AMACR: variants seen among roughly 807,000 people sequenced by gnomAD.
The protein encoded by AMACR is alpha-methylacyl-CoA racemase.
A neutral mutation model predicts 22.2 loss-of-function variants in AMACR; 18 were observed. That is an observed-to-expected ratio of 0.81 (90% CI 0.56 to 1.20). The LOEUF is 1.20. Ranked by LOEUF, AMACR falls within the 50% of genes most tolerant of loss-of-function variation. AMACR has a pLI of 0.00. For synonymous variants in AMACR, 213 were observed against 191.3 expected, an observed-to-expected ratio of 1.11 and a Z score of -0.94; for missense variants, 499 against 490.6, an observed-to-expected ratio of 1.02 and a Z score of -0.16.
chr5:33,986,579 T>C lies in AMACR; in HGVS notation c.*2514A>G, dbSNP rs1753299599. On this transcript the variant is annotated 3_prime_UTR_variant, in exon 5 of 5. Coordinates refer to ENST00000335606, the MANE Select transcript of AMACR (RefSeq NM_014324.6). ...ATTTCCTTTGGTGCTCTTTATCTTATGGGGCTACATTTCCAGGGTTCCCTT... is the reference window on the plus strand; with the variant it reads ...ATTTCCTTTGGTGCTCTTTATCTTACGGGGCTACATTTCCAGGGTTCCCTT... 6.6e-6 allele frequency: 1 copy of C among 152,284 alleles called. No homozygotes were observed. Among genetic ancestry groups the C allele is most frequent in the Non-Finnish European group, 1.5e-5 (1 of 68,072 alleles). 9.4% of individuals were successfully genotyped at this position (152,284 alleles called of 1,614,324 possible). A position where few individuals can be genotyped will look rare whatever the true frequency, so the allele number is the denominator to read the frequency against.
intron 3 of AMACR, among the ~76,000 whole-genome samples, chr5:34,003,650 G>C (rs1753884719): frequency 6.6e-6 from 1 of 152,174 alleles, no homozygotes; most frequent in Admixed American, 6.5e-5. Context: ...CCAGAAACCT[G>C]GGAGCCAGCC....
rs1250700832 is a variant in AMACR at position 34,007,966 on chromosome 5, C to T, written c.54G>A (p.Pro18=). 5 of 1,611,434 alleles carry T rather than the reference C, an allele frequency of 3.1e-6. No individual in the cohort carries two copies. The highest frequency in any genetic ancestry group is 4.2e-6 in the Non-Finnish European group (5 of 1,179,620). The change falls in exon 1 of 5, where the codon CCG becomes CCA. Residue 18 remains proline, a synonymous_variant. Transcript: ENST00000335606. ...VVELSGLAPG[P]FCAMVLADFG... ...AGTCAGCCAGGACCATAGCACAGAACGGGCCCGGGGCCAGGCCGGACAGCT... is the reference window on the plus strand; with the variant it reads ...AGTCAGCCAGGACCATAGCACAGAATGGGCCCGGGGCCAGGCCGGACAGCT...
rs562693242 is a variant in AMACR, at chr5:33,986,166, C to A, written c.*2927G>T. 6.6e-6 allele frequency: 1 copy of A among 152,162 alleles called. No individual in the cohort carries two copies. The highest frequency in any genetic ancestry group is 2.1e-4 in the South Asian group (1 of 4,832). 9.4% of individuals were successfully genotyped at this position (152,162 alleles called of 1,614,324 possible). ...TGTCAAAATGTAAATAAATTGATAT[C>A]TTTTCATAAACTTTTTATAAATATA... On this transcript the variant is annotated 3_prime_UTR_variant, in exon 5 of 5. Coordinates refer to ENST00000335606, the MANE Select transcript of AMACR (RefSeq NM_014324.6).
At position 33,989,241 on chromosome 5, in the gene AMACR, G is replaced by A. The variant is rs368693738; in HGVS notation, c.1001C>T (p.Thr334Ile). 14 of 1,614,016 alleles carry A rather than the reference G, an allele frequency of 8.7e-6. No individual in the cohort carries two copies. The highest frequency in any genetic ancestry group is 4.0e-5 in the African/African-American group (3 of 74,894). The change falls in exon 5 of 5, where the codon ACC becomes ATC. Residue 334 changes from threonine (T) to isoleucine (I), a missense_variant. Coordinates refer to ENST00000335606, the MANE Select transcript of AMACR (RefSeq NM_014324.6). ...CCTTTTGAAAGAAGGGATGGCTGGG[G>A]TGTTTAACAGCAGAGGTGCAGGGCG... ...SPRPAPLLLNTPAIPSFKRDP... is the reference protein window; with the variant it reads ...SPRPAPLLLNIPAIPSFKRDP...
At chr5:33,992,121 C>T (rs547786682) in intron 4 of AMACR, among the ~76,000 whole-genome samples, 165 of 152,018 alleles carry the variant, frequency 1.1e-3, no homozygotes, top group African/African-American at 2.1e-3. Context: ...CCTCGTGATC[C>T]GCCCGCCTCG....
Position 33,988,818 on chromosome 5 carries a change from A to C in AMACR, c.*275T>G, listed in dbSNP as rs537506468. On this transcript the variant is annotated 3_prime_UTR_variant, in exon 5 of 5. Transcript: ENST00000335606. Reference sequence around the variant, plus strand: ...AACCCATTCAAAATATAAGTCAAGAATCTTAATATCAACAAATATATCAAG... The same window carrying C: ...AACCCATTCAAAATATAAGTCAAGACTCTTAATATCAACAAATATATCAAG... 8.3e-5 allele frequency: 108 copies of C among 1,297,442 alleles called. 1 individual carries two copies. In the South Asian group the frequency reaches 1.8e-3, roughly 22 times the overall value. 80.4% of individuals were successfully genotyped at this position (1,297,442 alleles called of 1,614,324 possible).
Position 34,004,631 on chromosome 5 carries a change from T to C in AMACR, c.495A>G (p.Ile165Met). 6.2e-7 allele frequency: 1 copy of C among 1,614,198 alleles called. No homozygotes were observed. The highest frequency in any genetic ancestry group is 8.5e-7 in the Non-Finnish European group (1 of 1,180,034). The change falls in exon 3 of 5, where the codon ATA becomes ATG. Residue 165 changes from isoleucine (I) to methionine (M), a missense_variant. Ile to Met is a conservative substitution (Grantham distance 10). Transcript: ENST00000335606. ...TGCGTGTGCGGTCAAAAAGAGCCATTATAATGCCCAGTGCACACATAAGGC... is the reference window on the plus strand; with the variant it reads ...TGCGTGTGCGGTCAAAAAGAGCCATCATAATGCCCAGTGCACACATAAGGC... ...GGGLMCALGI[I>M]MALFDRTRTG...
chr5:33,995,080 A>G (rs1197213640), intron 4 of AMACR, among the ~76,000 whole-genome samples: 3 of 152,212 alleles, frequency 2.0e-5, no homozygotes, highest in Non-Finnish European at 4.4e-5. Context: ...TGCTGTTCTG[A>G]GTAGCATGAT....
At chr5:33,991,220 C>T (rs1257203756) in intron 4 of AMACR, among the ~76,000 whole-genome samples, 1 of 152,124 alleles carries the variant, frequency 6.6e-6, no homozygotes, top group Non-Finnish European at 1.5e-5. Flanking sequence ...CCCCCAGATC[C>T]TACCCTAACT....
rs866378680 is a variant in AMACR at position 33,994,367 on chromosome 5, C to T, written c.739+4274G>A. On this transcript the variant is annotated intron_variant, in intron 4 of 4. Coordinates refer to ENST00000335606, the MANE Select transcript of AMACR (RefSeq NM_014324.6). ...CTAATTTTTGTATCTTTAGTAGAGACGGGGTTTCACCATGTTGCCCAGGCT... is the reference window on the plus strand; with the variant it reads ...CTAATTTTTGTATCTTTAGTAGAGATGGGGTTTCACCATGTTGCCCAGGCT... Among the ~76,000 whole-genome samples, 31 of 152,016 alleles carry T rather than the reference C, an allele frequency of 2.0e-4. 1 individual carries two copies. The Middle Eastern group carries it at 0.017, about 83-fold the overall frequency.
intron 4 of AMACR, among the ~76,000 whole-genome samples, chr5:33,995,126 G>A (rs897792580): frequency 4.6e-5 from 7 of 152,184 alleles, no homozygotes; most frequent in African/African-American, 1.7e-4. Context: ...GCTCCATCCT[G>A]CCTTGGACAT....
intron 4 of AMACR, among the ~76,000 whole-genome samples, chr5:33,993,242 C>T (rs576440220): frequency 2.0e-5 from 3 of 152,222 alleles, no homozygotes; most frequent in East Asian, 1.9e-4. Flanking sequence ...TCTGTTGTAA[C>T]GTGTTGGAAT....
At chr5:33,996,060 C>A (rs1753623278) in intron 4 of AMACR, among the ~76,000 whole-genome samples, 1 of 152,100 alleles carries the variant, frequency 6.6e-6, no homozygotes, top group Non-Finnish European at 1.5e-5. Flanking sequence ...CCCCAGAGAA[C>A]TGTCATTATT....
chr5:33,995,989 C>G (rs1753620570), intron 4 of AMACR, among the ~76,000 whole-genome samples: 1 of 152,096 alleles, frequency 6.6e-6, no homozygotes, highest in Non-Finnish European at 1.5e-5. Context: ...GTTCTGAAAA[C>G]CAGCAGGAGA....
intron 4 of AMACR, among the ~76,000 whole-genome samples, chr5:33,990,941 T>G (rs965343434): frequency 3.9e-5 from 6 of 152,240 alleles, no homozygotes; most frequent in African/African-American, 1.4e-4. Context: ...GAGGCCATAG[T>G]TTCAGGTTAT....
At chr5:34,000,237 G>A (rs1252809713) in intron 3 of AMACR, among the ~76,000 whole-genome samples, 1 of 152,152 alleles carries the variant, frequency 6.6e-6, no homozygotes, top group Non-Finnish European at 1.5e-5. Context: ...CCTGCTTTCC[G>A]CTCAAGCTTT....
intron 4 of AMACR, chr5:33,997,259 C>G (rs1187705793): frequency 1.3e-6 from 1 of 771,382 alleles, no homozygotes; most frequent in Non-Finnish European, 2.4e-6. Flanking sequence ...CTTTATTGGT[C>G]CGGATTCCCA....
intron 3 of AMACR, among the ~76,000 whole-genome samples, chr5:33,999,942 A>C (rs932393822): frequency 6.6e-6 from 1 of 152,166 alleles, no homozygotes; most frequent in Non-Finnish European, 1.5e-5. Context: ...ACATATATAC[A>C]CATATGCATG....
In AMACR at chr5:33,989,634, G is replaced by GA. The variant is rs951978946; in HGVS notation, c.740-133dup. ...TAAGGGCTTCTCAAATGAGTCAAGA[G>GA]AAAAAAATGTAAAATCAGTTTAAGG... On this transcript the variant is annotated intron_variant, in intron 4 of 4. Coordinates refer to ENST00000335606, the MANE Select transcript of AMACR (RefSeq NM_014324.6). 33 of 768,864 alleles carry GA rather than the reference G, an allele frequency of 4.3e-5. No individual in the cohort carries two copies. The East Asian group carries it at 6.2e-4, about 14-fold the overall frequency. The allele number at this position is 768,864 out of a possible 1,614,324, so 47.6% of individuals were successfully genotyped here.
Sources: gnomAD v4.1 joint callset for allele counts (sites outside exome capture counted in the v4.1 genomes callset) on GRCh38, gnomAD v4.1.1 for gene constraint, MANE v1.5 for transcripts, NCBI Gene and HGNC (gene_info 2026-07-23, HGNC 2026-07-21) for gene names.